NTAQ1: variants seen among roughly 807,000 people sequenced by gnomAD.
NTAQ1 encodes the protein protein N-terminal glutamine amidohydrolase.
In NTAQ1, 21 loss-of-function variants were observed where a neutral mutation model predicts 28.2. That is an observed-to-expected ratio of 0.74 (90% CI 0.53 to 1.07). The LOEUF is 1.07. Ranked by LOEUF, NTAQ1 falls within the 50% of genes least tolerant of loss-of-function variation. The probability of loss-of-function intolerance (pLI) is 0.00; values close to 1 mark genes in which losing one functional copy is unlikely to be tolerated. For synonymous variants in NTAQ1, 105 were observed against 90.0 expected (o/e 1.17, Z -0.94); for missense variants, 264 against 256.6 (o/e 1.03, Z -0.20).
chr8:123,455,716 C>A (rs551004148), intron 6 of NTAQ1, among the ~76,000 whole-genome samples: 2 of 152,132 alleles, frequency 1.3e-5, no homozygotes, highest in Non-Finnish European at 2.9e-5. Context: ...TGAGCCACCG[C>A]GCCCAGCCGA....
chr8:123,449,903 A>C (rs1159866819), downstream of NTAQ1, among the ~76,000 whole-genome samples: 6 of 69,146 alleles, frequency 8.7e-5, no homozygotes, highest in African/African-American at 3.5e-4. Flanking sequence ...ATCTCTCCAT[A>C]TGTATATATG....
chr8:123,437,869 A>G (rs1048057397), intron 5 of NTAQ1, among the ~76,000 whole-genome samples: 1 of 152,180 alleles, frequency 6.6e-6, no homozygotes, highest in Admixed American at 6.5e-5. Context: ...AAGGATCAGA[A>G]CCAGGGCACC....
At chr8:123,449,568 G>A (rs945099095), downstream of NTAQ1, among the ~76,000 whole-genome samples, 5 of 151,984 alleles carry the variant, frequency 3.3e-5, no homozygotes, top group Non-Finnish European at 7.4e-5. Flanking sequence ...TGAGTCCTGC[G>A]CTCATGGATA....
At chr8:123,452,814 G>A (rs1815542423), downstream of NTAQ1, among the ~76,000 whole-genome samples, 1 of 151,998 alleles carries the variant, frequency 6.6e-6, no homozygotes, top group South Asian at 2.1e-4. Flanking sequence ...GGCTGAGGCA[G>A]GAGAATTGCT....
intron 5 of NTAQ1, among the ~76,000 whole-genome samples, chr8:123,438,906 G>A (rs925876725): frequency 1.3e-5 from 2 of 152,146 alleles, no homozygotes; most frequent in Admixed American, 6.6e-5. Flanking sequence ...GAGAGGGCTC[G>A]AGGGGTCTGC....
At chr8:123,445,015 A>G (rs1036606841), downstream of NTAQ1, among the ~76,000 whole-genome samples, 12 of 152,204 alleles carry the variant, frequency 7.9e-5, no homozygotes, top group African/African-American at 2.2e-4. Flanking sequence ...ATGGTAGTAA[A>G]TGCAAACCTT....
At chr8:123,442,923 C>T (rs1815134529), downstream of NTAQ1, among the ~76,000 whole-genome samples, 1 of 152,118 alleles carries the variant, frequency 6.6e-6, no homozygotes, top group South Asian at 2.1e-4. Flanking sequence ...CCACTTTCGC[C>T]TCCCGAAGTA....
chr8:123,438,212 T>C (rs1337379720), intron 5 of NTAQ1: 1 of 701,660 alleles, frequency 1.4e-6, no homozygotes, highest in Admixed American at 2.0e-5. Context: ...TTGGCATTCA[T>C]ATGAGTTTGA....
chr8:123,470,638 G>A (rs1407858784), downstream of NTAQ1, among the ~76,000 whole-genome samples: 1 of 152,208 alleles, frequency 6.6e-6, no homozygotes, highest in Non-Finnish European at 1.5e-5. Flanking sequence ...CTAGTGCTGT[G>A]CATGAAGTCC....
chr8:123,423,427 G>T (rs1227602939), intron 1 of NTAQ1, among the ~76,000 whole-genome samples: 36 of 88,614 alleles, frequency 4.1e-4, no homozygotes, highest in East Asian at 1.1e-3. Flanking sequence ...CTTCTCTTCT[G>T]TTTCTCTTTT....
At position 123,437,278 on chromosome 8, in the gene NTAQ1, A is replaced by C. The variant is rs1586948446; in HGVS notation, c.452A>C (p.Asp151Ala). The C allele has an allele frequency of 6.2e-7, 1 of 1,613,980 alleles. No homozygotes were observed. Among genetic ancestry groups the C allele is most frequent in the Non-Finnish European group, 8.5e-7 (1 of 1,179,982 alleles). The change falls in exon 5 of 6, where the codon GAC (aspartate) becomes GCC (alanine). Residue 151 changes from aspartate to alanine, a missense_variant. Transcript: ENST00000287387. ...NFASDRSHMKDSSGNWREPPP... is the reference protein window; with the variant it reads ...NFASDRSHMKASSGNWREPPP... Reference sequence around the variant, plus strand: ...GCTTCTGACCGATCTCACATGAAAGACTCCAGTGGGAATTGGAGAGAGCCT... The same window carrying C: ...GCTTCTGACCGATCTCACATGAAAGCCTCCAGTGGGAATTGGAGAGAGCCT...
At chr8:123,446,677 G>GT (rs759846367), downstream of NTAQ1, among the ~76,000 whole-genome samples, 47 of 152,148 alleles carry the variant, frequency 3.1e-4, no homozygotes, top group Non-Finnish European at 5.3e-4. Flanking sequence ...CATCGGAGCC[G>GT]TATCAGTGCC....
intron 1 of NTAQ1, among the ~76,000 whole-genome samples, chr8:123,422,076 A>G (rs1813734103): frequency 1.3e-5 from 2 of 149,476 alleles, no homozygotes; most frequent in Non-Finnish European, 3.0e-5. Context: ...TTGGCCTCCC[A>G]AAGTGCTGAG....
intron 1 of NTAQ1, 98 bp downstream of exon 1, chr8:123,417,030 C>T: frequency 8.2e-7 from 1 of 1,217,054 alleles, no homozygotes; most frequent in Non-Finnish European, 1.1e-6. Context: ...CGGGGGCGCT[C>T]CCGGCCTCTA....
At chr8:123,416,752 A>G (rs1586919116), upstream of NTAQ1, 1 of 1,176,806 alleles carries the variant, frequency 8.5e-7, no homozygotes, top group Non-Finnish European at 1.1e-6. Flanking sequence ...CGCCCACCCC[A>G]CGCCGGGAAC....
intron 1 of NTAQ1, among the ~76,000 whole-genome samples, chr8:123,418,738 A>T (rs1176585326): frequency 6.6e-6 from 1 of 152,154 alleles, no homozygotes; most frequent in Non-Finnish European, 1.5e-5. Context: ...GTACAACTGG[A>T]GTATTGGAGT....
At chr8:123,459,576 A>G (rs1815756780) in intron 6 of NTAQ1, among the ~76,000 whole-genome samples, 1 of 152,160 alleles carries the variant, frequency 6.6e-6, no homozygotes, top group South Asian at 2.1e-4. Flanking sequence ...CTTATTAGAA[A>G]AAAAGATGTT....
chr8:123,417,871 C>G lies in NTAQ1; in HGVS notation c.83+939C>G, dbSNP rs568920815. Among the ~76,000 whole-genome samples the G allele has an allele frequency of 5.9e-5, 9 of 152,262 alleles. No homozygotes were observed. In the South Asian group the frequency reaches 1.9e-3, roughly 32 times the overall value. ...AAGACTGAGCCACAGAGAGGCTGTTCTGTGCCCCCAAATCACACATCTAGC... is the reference window on the plus strand; with the variant it reads ...AAGACTGAGCCACAGAGAGGCTGTTGTGTGCCCCCAAATCACACATCTAGC... On this transcript the variant is annotated intron_variant, in intron 1 of 5. Coordinates refer to ENST00000287387, the MANE Select transcript of NTAQ1 (RefSeq NM_018024.3).
intron 5 of NTAQ1, among the ~76,000 whole-genome samples, chr8:123,439,127 T>A (rs567992193): frequency 6.6e-6 from 1 of 152,296 alleles, no homozygotes; most frequent in Non-Finnish European, 1.5e-5. Flanking sequence ...TGTGCTGGGC[T>A]TTTGCCAGCC....
Sources: allele counts gnomAD v4.1 joint callset (sites outside exome capture counted in the v4.1 genomes callset), GRCh38; gene constraint gnomAD v4.1.1; transcripts MANE v1.5; gene names NCBI Gene and HGNC (gene_info 2026-07-23, HGNC 2026-07-21).